The following STPG2 variants were observed in gnomAD, a reference collection of about 807,000 sequenced individuals.
STPG2 encodes the protein sperm-tail PG-rich repeat-containing protein 2.
In STPG2, 56 loss-of-function variants were observed where a neutral mutation model predicts 54.2. That is an observed-to-expected ratio of 1.03 (90% CI 0.83 to 1.29). The LOEUF (loss-of-function observed/expected upper bound fraction) is 1.29, where lower values mean the gene tolerates loss of function less well. Among genes scored for constraint, STPG2 ranks in the 50% most tolerant of loss-of-function variants. The probability of loss-of-function intolerance (pLI) is 0.00; values close to 1 mark genes in which losing one functional copy is unlikely to be tolerated. For synonymous variants in STPG2, 200 were observed against 181.8 expected, an observed-to-expected ratio of 1.10 and a Z score of -0.81; for missense variants, 596 against 544.9, an observed-to-expected ratio of 1.09 and a Z score of -0.93.
At position 97,929,593 on chromosome 4, in the gene STPG2, A is replaced by G. The variant is rs1339819128; in HGVS notation, c.1044+14304T>C. The stretch of plus-strand genomic sequence containing the variant: ...TCTCACTGGTGTCAGATGGTATCTC[A>G]GTATAGTTTTGATTTGAATTTCTCT... On this transcript the variant is annotated intron_variant, in intron 8 of 10. Coordinates refer to ENST00000295268, the MANE Select transcript of STPG2 (RefSeq NM_174952.3). Among the ~76,000 whole-genome samples, 23 of 152,170 alleles carry G rather than the reference A, an allele frequency of 1.5e-4. 1 individual carries two copies. The highest frequency in any genetic ancestry group is 5.9e-5 in the Non-Finnish European group (4 of 67,996).
chr4:97,973,687 G>A (rs566506398), intron 6 of STPG2, among the ~76,000 whole-genome samples: 4 of 152,260 alleles, frequency 2.6e-5, no homozygotes, highest in South Asian at 2.1e-4. Context: ...GCATCGTAAC[G>A]ACTTGGTGCC....
chr4:97,703,774 T>TTGTG (rs1377835748), intron 10 of STPG2, among the ~76,000 whole-genome samples: 1 of 145,806 alleles, frequency 6.9e-6, no homozygotes, highest in Non-Finnish European at 1.5e-5. Context: ...CATAGTATAT[T>TTGTG]TGTGTGTGTG....
intron 10 of STPG2, among the ~76,000 whole-genome samples, chr4:97,560,981 G>T (rs542847241): frequency 9.9e-5 from 15 of 152,106 alleles, no homozygotes; most frequent in African/African-American, 2.4e-4. Context: ...TGGGATGGCC[G>T]GGTCAAATGG....
At chr4:97,598,830 C>G (rs910883754) in intron 10 of STPG2, among the ~76,000 whole-genome samples, 2 of 151,996 alleles carry the variant, frequency 1.3e-5, no homozygotes, top group African/African-American at 4.8e-5. Context: ...TGAGAGATAA[C>G]CTAATAAATA....
chr4:97,443,996 G>C (rs1298731092), intron 4 of STPG2, among the ~76,000 whole-genome samples: 17 of 151,880 alleles, frequency 1.1e-4, no homozygotes, highest in Admixed American at 1.1e-3. Flanking sequence ...AATAACCCAA[G>C]GAAATTACAG....
At chr4:97,931,481 G>A (rs946228862) in intron 8 of STPG2, among the ~76,000 whole-genome samples, 28 of 152,116 alleles carry the variant, frequency 1.8e-4, no homozygotes, top group Non-Finnish European at 2.6e-4. Flanking sequence ...GTGATAAATC[G>A]CATTATCAAT....
intron 8 of STPG2, among the ~76,000 whole-genome samples, chr4:97,900,774 G>C (rs943519516): frequency 6.6e-6 from 1 of 151,888 alleles, no homozygotes; most frequent in Non-Finnish European, 1.5e-5. Context: ...GTCTACTTGT[G>C]GGTGGAGGGT....
chr4:97,477,577 C>G (rs924825974), intron 4 of STPG2, among the ~76,000 whole-genome samples: 7 of 150,354 alleles, frequency 4.7e-5, no homozygotes, highest in African/African-American at 1.7e-4. Context: ...CCCAGGTTCA[C>G]GCCATCCTCC....
intron 5 of STPG2, among the ~76,000 whole-genome samples, chr4:97,994,213 T>C (rs933342645): frequency 1.3e-5 from 2 of 152,326 alleles, no homozygotes; most frequent in Middle Eastern, 3.4e-3. Flanking sequence ...CAACTTTATT[T>C]CATTGTTAAC....
intron 5 of STPG2, among the ~76,000 whole-genome samples, chr4:98,035,958 TA>T (rs1175425958): frequency 1.3e-5 from 2 of 151,824 alleles, no homozygotes; most frequent in Non-Finnish European, 2.9e-5. Flanking sequence ...GGGTGGGGGC[TA>T]GGGGAGGGAT....
intron 9 of STPG2, among the ~76,000 whole-genome samples, chr4:97,768,670 C>G (rs899350943): frequency 1.3e-5 from 2 of 151,696 alleles, no homozygotes; most frequent in African/African-American, 4.8e-5. Context: ...TTCTCATAGA[C>G]TGGCCAGAAC....
At chr4:97,902,519 G>C (rs1731217228) in intron 8 of STPG2, among the ~76,000 whole-genome samples, 2 of 152,086 alleles carry the variant, frequency 1.3e-5, no homozygotes. Flanking sequence ...GAAGACATTT[G>C]TATGGCCAAT....
chr4:98,058,131 A>G (rs1737535540), intron 5 of STPG2, among the ~76,000 whole-genome samples: 1 of 152,232 alleles, frequency 6.6e-6, no homozygotes, highest in African/African-American at 2.4e-5. Flanking sequence ...CAGACCAGTG[A>G]CACTCTGAAG....
At chr4:97,952,714 T>C (rs1451553708) in intron 7 of STPG2, among the ~76,000 whole-genome samples, 2 of 152,156 alleles carry the variant, frequency 1.3e-5, no homozygotes, top group Admixed American at 6.5e-5. Flanking sequence ...TCCTTCGTTA[T>C]AAATAGCCTT....
intron 8 of STPG2, among the ~76,000 whole-genome samples, chr4:97,901,659 T>C (rs1352745939): frequency 1.3e-5 from 2 of 151,734 alleles, no homozygotes; most frequent in African/African-American, 4.8e-5. Flanking sequence ...AAAATATTGA[T>C]AAAAGAAATA....
chr4:98,051,890 C>G (rs1461396252), intron 5 of STPG2, among the ~76,000 whole-genome samples: 1 of 151,982 alleles, frequency 6.6e-6, no homozygotes, highest in African/African-American at 2.4e-5. Flanking sequence ...AATTTCCAGA[C>G]CAGCCTGACC....
chr4:98,084,157 A>G (rs528042007), intron 5 of STPG2, among the ~76,000 whole-genome samples: 1 of 152,138 alleles, frequency 6.6e-6, no homozygotes, highest in Non-Finnish European at 1.5e-5. Context: ...TTCTGTTATT[A>G]TAGATTTGTC....
At chr4:97,969,851 A>G (rs1189466004) in intron 7 of STPG2, among the ~76,000 whole-genome samples, 2 of 152,236 alleles carry the variant, frequency 1.3e-5, no homozygotes, top group Admixed American at 1.3e-4. Context: ...GTATTCAATC[A>G]GGAAAGGAGG....
At chr4:98,121,453 C>G (rs1173555396) in intron 3 of STPG2, among the ~76,000 whole-genome samples, 1 of 151,198 alleles carries the variant, frequency 6.6e-6, no homozygotes, top group Non-Finnish European at 1.5e-5. Context: ...AAGAAAATAG[C>G]ATTGAATCTA....
Sources: allele counts gnomAD v4.1 joint callset (sites outside exome capture counted in the v4.1 genomes callset), GRCh38; gene constraint gnomAD v4.1.1; transcripts MANE v1.5; gene names NCBI Gene and HGNC (gene_info 2026-07-23, HGNC 2026-07-21).